The following MYO1F variants were observed in gnomAD, a reference collection of about 807,000 sequenced individuals.
MYO1F encodes myosin IF, also known as unconventional myosin-If.
A neutral mutation model predicts 146.6 loss-of-function variants in MYO1F; 60 were observed. That is an observed-to-expected ratio of 0.41 (90% confidence interval 0.33 to 0.51). The LOEUF is 0.51. Among genes scored for constraint, MYO1F ranks in the 20% least tolerant of loss-of-function variants. The pLI is 0.25. For synonymous variants in MYO1F, 602 were observed against 602.1 expected (o/e 1.00, Z 0.00); for missense variants, 1,274 against 1,534.3 (o/e 0.83, Z 2.83).
At position 8,522,062 on chromosome 19, in the gene MYO1F, G is replaced by A. The variant is rs139638434; in HGVS notation, c.3220+315C>T. Among the ~76,000 whole-genome samples the A allele has an allele frequency of 6.0e-3, 864 of 144,396 alleles. 13 individuals carry two copies. The highest frequency in any genetic ancestry group is 0.021 in the African/African-American group (816 of 38,506). 94.7% of individuals were successfully genotyped at this position (144,396 alleles called of 152,430 possible). A position where few individuals can be genotyped will look rare whatever the true frequency, so the allele number is the denominator to read the frequency against. ...TTTTGAGACGGAGTCTCGCTCTATC[G>A]CCCAGGCTGGAGTGTGTTGGCGCAA... On this transcript the variant is annotated intron_variant, in intron 27 of 27. Coordinates refer to ENST00000644032, the MANE Select transcript of MYO1F (RefSeq NM_012335.4).
intron 1 of MYO1F, among the ~76,000 whole-genome samples, chr19:8,572,057 G>A (rs554200017): frequency 6.6e-6 from 1 of 152,062 alleles, no homozygotes; most frequent in African/African-American, 2.4e-5. Context: ...TCTGGAGCTG[G>A]GCTCTTTGTC....
intron 1 of MYO1F, among the ~76,000 whole-genome samples, chr19:8,571,752 C>A (rs567166187): frequency 1.3e-5 from 2 of 152,250 alleles, no homozygotes; most frequent in African/African-American, 4.8e-5. Flanking sequence ...CACCCGCCAC[C>A]ACGCCTGGGT....
In MYO1F at chr19:8,543,948, C is replaced by CTGGTGG. The variant is rs202093600; in HGVS notation, c.1524+343_1524+348dup. The stretch of plus-strand genomic sequence containing the variant: ...GGTGGTGGTGGTGGTGCTGGTGGTG[C>CTGGTGG]TGGTGGTGGTGGTGGTGGTGGTGCT... On this transcript the variant is annotated intron_variant, in intron 14 of 27. Transcript: ENST00000644032. 9 of 59,728 alleles carry CTGGTGG rather than the reference C, an allele frequency of 1.5e-4. 1 individual carries two copies. The highest frequency in any genetic ancestry group is 5.8e-4 in the Admixed American group (2 of 3,430). The allele number at this position is 59,728 out of a possible 1,614,324, so 3.7% of individuals were successfully genotyped here. A position where few individuals can be genotyped will look rare whatever the true frequency, so the allele number is the denominator to read the frequency against.
At chr19:8,567,560 T>C (rs1314032537) in intron 1 of MYO1F, among the ~76,000 whole-genome samples, 1 of 152,134 alleles carries the variant, frequency 6.6e-6, no homozygotes, top group African/African-American at 2.4e-5. Context: ...TTTTACCGCG[T>C]TGGGCACGCT....
intron 1 of MYO1F, among the ~76,000 whole-genome samples, chr19:8,568,193 G>C (rs980123753): frequency 6.6e-6 from 1 of 151,978 alleles, no homozygotes; most frequent in Non-Finnish European, 1.5e-5. Context: ...GGAGGCCGAG[G>C]TGGGTGGATC....
At chr19:8,525,379 T>G in intron 25 of MYO1F, 100 bp downstream of exon 25, 1 of 981,418 alleles carries the variant, frequency 1.0e-6, no homozygotes, top group Non-Finnish European at 1.6e-6. Flanking sequence ...GAGAAGTGAG[T>G]GGTAAACTGT....
At chr19:8,547,991 A>ACCCCCCC in intron 12 of MYO1F, 45 bp downstream of exon 12, 2 of 435,412 alleles carry the variant, frequency 4.6e-6, no homozygotes, top group Admixed American at 3.0e-5. Context: ...CTTCCACCCC[A>ACCCCCCC]CCCCCACCCC....
chr19:8,543,687 G>GTGGTGGTGC lies in MYO1F; in HGVS notation c.1524+609_1524+610insGCACCACCA, dbSNP rs1568348391. ...GGTGGTGGTGGTGCTGGTGGTGGTG[G>GTGGTGGTGC]TGGTGGTGGTGGTGGTGGTGCTGGT... is the stretch of plus-strand genomic sequence containing the variant. On this transcript the variant is annotated intron_variant, in intron 14 of 27. Coordinates refer to ENST00000644032, the MANE Select transcript of MYO1F (RefSeq NM_012335.4). Among the ~76,000 whole-genome samples, 15 of 48,630 alleles carry GTGGTGGTGC rather than the reference G, an allele frequency of 3.1e-4. 1 individual carries two copies. Among genetic ancestry groups the GTGGTGGTGC allele is most frequent in the African/African-American group, 1.6e-3 (13 of 8,032 alleles). 31.9% of individuals were successfully genotyped at this position (48,630 alleles called of 152,430 possible). A position where few individuals can be genotyped will look rare whatever the true frequency, so the allele number is the denominator to read the frequency against.
chr19:8,566,508 A>G (rs975012860), intron 1 of MYO1F, among the ~76,000 whole-genome samples: 2 of 145,862 alleles, frequency 1.4e-5, no homozygotes, highest in Non-Finnish European at 3.0e-5. Flanking sequence ...TTATTTATTT[A>G]ATTTAATTAA....
intron 1 of MYO1F, among the ~76,000 whole-genome samples, chr19:8,565,936 T>A (rs892261454): frequency 2.7e-5 from 4 of 150,378 alleles, no homozygotes; most frequent in East Asian, 2.0e-4. Context: ...CAAAAAAAAA[T>A]AAAAAATAAA....
intron 1 of MYO1F, among the ~76,000 whole-genome samples, chr19:8,566,939 A>T (rs2042015293): frequency 6.6e-6 from 1 of 151,972 alleles, no homozygotes; most frequent in Non-Finnish European, 1.5e-5. Flanking sequence ...AGCCTATGAA[A>T]GTGCTAGGAT....
intron 1 of MYO1F, among the ~76,000 whole-genome samples, chr19:8,560,260 G>A (rs897968034): frequency 3.9e-5 from 6 of 152,036 alleles, no homozygotes; most frequent in East Asian, 3.9e-4. Flanking sequence ...TGAGGCGGGC[G>A]GATCATGAGG....
intron 25 of MYO1F, among the ~76,000 whole-genome samples, chr19:8,523,737 C>T (rs1972153972): frequency 6.6e-6 from 1 of 152,098 alleles, no homozygotes; most frequent in Admixed American, 6.6e-5. Context: ...TCACTGCAGA[C>T]TCCAACTCTT....
intron 15 of MYO1F, 77 bp downstream of exon 15, chr19:8,541,829 G>C (rs1389839275): frequency 3.0e-5 from 40 of 1,340,280 alleles, no homozygotes; most frequent in Non-Finnish European, 4.1e-5. Flanking sequence ...TTCTGGGTAA[G>C]ATGGAGTGGG....
intron 1 of MYO1F, among the ~76,000 whole-genome samples, chr19:8,570,009 G>A (rs1263040653): frequency 6.6e-6 from 1 of 152,024 alleles, no homozygotes; most frequent in East Asian, 1.9e-4. Flanking sequence ...AGGCTCAAGC[G>A]AATCCTCCTG....
At position 8,554,762 on chromosome 19, in the gene MYO1F, T is replaced by A. The variant is rs1973773862; in HGVS notation, c.142-19A>T. 6.2e-7 allele frequency: 1 copy of A among 1,611,024 alleles called. No individual in the cohort carries two copies. Among genetic ancestry groups the A allele is most frequent in the African/African-American group, 1.3e-5 (1 of 74,754 alleles). On this transcript the variant is annotated intron_variant, in intron 2 of 27. Coordinates refer to ENST00000644032, the MANE Select transcript of MYO1F (RefSeq NM_012335.4). ...TGTAGGTCTGAGGGATGGTTAAGGG[T>A]CGTGTGGTGTCCTGGTAGGTTTTGT...
Position 8,543,991 on chromosome 19 carries a change from T to C in MYO1F, c.1524+306A>G, listed in dbSNP as rs1973202634. ...GTGGTGCTGGTGCTGGTGCTGGTGG[T>C]GGTGCTGGTGGTGGCGGTGGCGGTG... On this transcript the variant is annotated intron_variant, in intron 14 of 27. Coordinates refer to ENST00000644032, the MANE Select transcript of MYO1F (RefSeq NM_012335.4). 2.4e-4 allele frequency: 52 copies of C among 218,076 alleles called. 2 individuals are homozygous for C. Among genetic ancestry groups the C allele is most frequent in the African/African-American group, 1.3e-3 (27 of 20,666 alleles). The allele number at this position is 218,076 out of a possible 1,614,324, so 13.5% of individuals were successfully genotyped here. A position where few individuals can be genotyped will look rare whatever the true frequency, so the allele number is the denominator to read the frequency against.
At chr19:8,537,641 T>C (rs546062679) in intron 16 of MYO1F, among the ~76,000 whole-genome samples, 32 of 151,932 alleles carry the variant, frequency 2.1e-4, no homozygotes, top group African/African-American at 7.0e-4. Context: ...GCCATGTTGG[T>C]CAGGCTGGTC....
intron 16 of MYO1F, among the ~76,000 whole-genome samples, chr19:8,539,341 G>A (rs1972860460): frequency 6.6e-6 from 1 of 152,128 alleles, no homozygotes; most frequent in Non-Finnish European, 1.5e-5. Context: ...TTGAACCCAA[G>A]AGGCAGAGGT....
Sources: gnomAD v4.1 joint callset for allele counts (sites outside exome capture counted in the v4.1 genomes callset) on GRCh38, gnomAD v4.1.1 for gene constraint, MANE v1.5 for transcripts, NCBI Gene and HGNC (gene_info 2026-07-23, HGNC 2026-07-21) for gene names.